NEDD4L: variants seen among roughly 807,000 people sequenced by gnomAD.
NEDD4L encodes the protein NEDD4 like E3 ubiquitin protein ligase, also known as E3 ubiquitin-protein ligase NEDD4-like.
Under a neutral mutation model 148.9 loss-of-function variants are expected in NEDD4L, and 54 were observed. The ratio of observed to expected loss-of-function variants is 0.36; its 90% CI spans 0.29 to 0.45. The LOEUF (loss-of-function observed/expected upper bound fraction) is 0.45, where lower values mean the gene tolerates loss of function less well. NEDD4L is among the 20% of genes least tolerant of loss of function. NEDD4L has a pLI of 1.00. For synonymous variants in NEDD4L, 433 were observed against 440.7 expected (o/e 0.98, Z 0.22); for missense variants, 856 against 1,233.8 (o/e 0.69, Z 4.59).
At chr18:58,062,987 C>CAAA (rs74183234) in intron 1 of NEDD4L, among the ~76,000 whole-genome samples, 2 of 94,012 alleles carry the variant, frequency 2.1e-5, no homozygotes, top group East Asian at 3.1e-4. Context: ...AACTCCATCT[C>CAAA]AAAAAAAAAA....
At chr18:58,149,582 T>G in intron 1 of NEDD4L, 1 of 1,494,364 alleles carries the variant, frequency 6.7e-7, no homozygotes, top group Non-Finnish European at 9.1e-7. Context: ...AAGACTTTGC[T>G]TGGTGGGGGA....
intron 2 of NEDD4L, among the ~76,000 whole-genome samples, chr18:58,172,818 T>C (rs2037670213): frequency 6.6e-6 from 1 of 152,234 alleles, no homozygotes; most frequent in Non-Finnish European, 1.5e-5. Context: ...GTGGGACCTA[T>C]TAAGTTCAGA....
rs186956782 is a variant in NEDD4L, at chr18:58,287,489, A to G, written c.298-28493A>G. 1.1e-4 allele frequency among the ~76,000 whole-genome samples: 17 copies of G among 152,252 alleles called. No homozygotes were observed. In the East Asian group the frequency reaches 3.1e-3, roughly 28 times the overall value. Reference sequence around the variant, plus strand: ...CAGCCTCCCTCAGGATCATGAGTTCACCTCGGCACCACAGCTCTGGGCAAC... The same window carrying G: ...CAGCCTCCCTCAGGATCATGAGTTCGCCTCGGCACCACAGCTCTGGGCAAC... On this transcript the variant is annotated intron_variant, in intron 5 of 30. Transcript: ENST00000400345.
intron 5 of NEDD4L, among the ~76,000 whole-genome samples, chr18:58,272,309 G>A (rs999405983): frequency 1.3e-5 from 2 of 152,090 alleles, no homozygotes; most frequent in Admixed American, 6.6e-5. Context: ...AGTAATAGCT[G>A]TTCAGTGATA....
At chr18:58,138,338 C>T (rs1599035555) in intron 1 of NEDD4L, among the ~76,000 whole-genome samples, 2 of 145,322 alleles carry the variant, frequency 1.4e-5, no homozygotes, top group African/African-American at 5.1e-5. Context: ...TCCCTCCCCT[C>T]CTCCTCTTCC....
chr18:58,061,570 C>T (rs1434015631), intron 1 of NEDD4L, among the ~76,000 whole-genome samples: 1 of 151,488 alleles, frequency 6.6e-6, no homozygotes, highest in African/African-American at 2.4e-5. Flanking sequence ...TGCATAGGAT[C>T]GATTTTTTTC....
intron 5 of NEDD4L, among the ~76,000 whole-genome samples, chr18:58,271,292 G>GA (rs900667449): frequency 1.5e-4 from 22 of 150,754 alleles, no homozygotes; most frequent in Admixed American, 2.6e-4. Flanking sequence ...GAAGAACCCT[G>GA]AAAAAAAAAT....
chr18:58,394,576 A>G (rs2050243950), intron 30 of NEDD4L, among the ~76,000 whole-genome samples: 1 of 152,226 alleles, frequency 6.6e-6, no homozygotes, highest in Admixed American at 6.5e-5. Context: ...TATTAATATG[A>G]TAATAGAAAG....
intron 1 of NEDD4L, among the ~76,000 whole-genome samples, chr18:58,096,121 C>T (rs1381373528): frequency 6.6e-6 from 1 of 152,032 alleles, no homozygotes; most frequent in Non-Finnish European, 1.5e-5. Flanking sequence ...GCATGGTTTT[C>T]CTCATGAACT....
chr18:58,234,116 CTTTT>C (rs139281352), intron 2 of NEDD4L, among the ~76,000 whole-genome samples: 10,777 of 118,286 alleles, frequency 0.091, 894 homozygotes, highest in Middle Eastern at 0.13. Context: ...CTTTTCTTTT[CTTTT>C]CCTTCTTTTT....
chr18:58,228,297 T>C (rs2044618989), intron 2 of NEDD4L, among the ~76,000 whole-genome samples: 2 of 152,188 alleles, frequency 1.3e-5, no homozygotes, highest in African/African-American at 2.4e-5. Context: ...GGAGTGGAGC[T>C]TGAGGGCCAG....
chr18:58,367,623 T>C, intron 21 of NEDD4L, 123 bp from the exon 22 acceptor site: 1 of 1,031,568 alleles, frequency 9.7e-7, no homozygotes, highest in Non-Finnish European at 1.4e-6. Flanking sequence ...CCCACACATT[T>C]TCCCACTAGG....
At chr18:58,377,812 C>T (rs551586726) in intron 24 of NEDD4L, among the ~76,000 whole-genome samples, 5 of 152,136 alleles carry the variant, frequency 3.3e-5, no homozygotes, top group Non-Finnish European at 7.3e-5. Flanking sequence ...GGCAGAATAT[C>T]GGCTCACTGC....
intron 1 of NEDD4L, among the ~76,000 whole-genome samples, chr18:58,083,943 C>G (rs1181015080): frequency 6.6e-6 from 1 of 152,166 alleles, no homozygotes; most frequent in African/African-American, 2.4e-5. Context: ...GTTGGCCGGC[C>G]TGGTCTTGAA....
intron 2 of NEDD4L, among the ~76,000 whole-genome samples, chr18:58,183,649 A>C (rs775546567): frequency 6.6e-6 from 1 of 152,174 alleles, no homozygotes; most frequent in Non-Finnish European, 1.5e-5. Context: ...TGCTGCACGC[A>C]TGGGCCTGTA....
chr18:58,186,072 T>C (rs759146420), intron 2 of NEDD4L, among the ~76,000 whole-genome samples: 2 of 151,566 alleles, frequency 1.3e-5, no homozygotes, highest in Non-Finnish European at 2.9e-5. Flanking sequence ...AGGATACATA[T>C]GCACACGCAC....
chr18:58,342,856 A>T (rs1255707799), intron 15 of NEDD4L, 50 bp from the exon 16 acceptor site: 1 of 1,424,204 alleles, frequency 7.0e-7, no homozygotes, highest in Non-Finnish European at 9.3e-7. Flanking sequence ...ATTTTGGCAC[A>T]TTGGAATCGC....
chr18:58,194,001 A>AT (rs2040392795), intron 2 of NEDD4L: 1 of 152,242 alleles, frequency 6.6e-6, no homozygotes, highest in Non-Finnish European at 1.5e-5. Context: ...TGTGAATTTC[A>AT]TTCTGTGTCA....
At chr18:58,192,042 G>T (rs2040178187) in intron 2 of NEDD4L, among the ~76,000 whole-genome samples, 1 of 152,132 alleles carries the variant, frequency 6.6e-6, no homozygotes, top group Non-Finnish European at 1.5e-5. Flanking sequence ...GTGGTGGCAT[G>T]CACCTGTAGT....
Sources: gnomAD v4.1 joint callset for allele counts (sites outside exome capture counted in the v4.1 genomes callset) on GRCh38, gnomAD v4.1.1 for gene constraint, MANE v1.5 for transcripts, NCBI Gene and HGNC (gene_info 2026-07-23, HGNC 2026-07-21) for gene names.